Variants in NIT2 observed in about 807,000 individuals in gnomAD.
NIT2 encodes nitrilase family member 2.
A neutral mutation model predicts 42.7 loss-of-function variants in NIT2; 46 were observed. The ratio of observed to expected loss-of-function variants is 1.08; its 90% CI spans 0.85 to 1.38. NIT2 has a LOEUF of 1.38. Among genes scored for constraint, NIT2 ranks in the 40% most tolerant of loss-of-function variants. The pLI is 0.00. For synonymous variants in NIT2, 123 were observed against 121.9 expected, an observed-to-expected ratio of 1.01 and a Z score of -0.06; for missense variants, 309 against 342.5, an observed-to-expected ratio of 0.90 and a Z score of 0.77.
intron 1 of NIT2, among the ~76,000 whole-genome samples, chr3:100,337,940 G>A (rs1417836354): frequency 6.6e-6 from 1 of 152,104 alleles, no homozygotes; most frequent in Non-Finnish European, 1.5e-5. Context: ...GCATGGTGGT[G>A]CATACCTGTG....
intron 6 of NIT2, 85 bp downstream of exon 6, chr3:100,346,340 GCTGGGAGAGGGCT>G (rs1369674199): frequency 8.5e-7 from 1 of 1,177,170 alleles, no homozygotes; most frequent in Non-Finnish European, 1.2e-6. Context: ...GTCAAGAAAA[GCTGGGAGAGGGCT>G]CTTTAATTTC....
chr3:100,340,159 C>G (rs1314556629), intron 3 of NIT2, among the ~76,000 whole-genome samples: 1 of 152,106 alleles, frequency 6.6e-6, no homozygotes, highest in Non-Finnish European at 1.5e-5. Flanking sequence ...CAGCCTCACC[C>G]TACGAGGCTC....
intron 4 of NIT2, among the ~76,000 whole-genome samples, chr3:100,342,642 G>A (rs1261990107): frequency 6.6e-6 from 1 of 151,258 alleles, no homozygotes; most frequent in African/African-American, 2.4e-5. Context: ...TAATGATATA[G>A]GTCCATTTTT....
intron 4 of NIT2, 59 bp from the exon 5 acceptor site, chr3:100,345,526 C>A: frequency 1.7e-6 from 2 of 1,146,024 alleles, no homozygotes; most frequent in Non-Finnish European, 2.6e-6. Flanking sequence ...AAGATATTGT[C>A]ATTACTGCCA....
chr3:100,344,690 G>A (rs1266732224), intron 4 of NIT2, among the ~76,000 whole-genome samples: 1 of 151,908 alleles, frequency 6.6e-6, no homozygotes, highest in Non-Finnish European at 1.5e-5. Context: ...CTGTCGCTTA[G>A]GCTGGAGTGC....
chr3:100,341,194 T>C, intron 4 of NIT2, 33 bp downstream of exon 4: 1 of 1,506,662 alleles, frequency 6.6e-7, no homozygotes, highest in South Asian at 1.1e-5. Flanking sequence ...GAATTTGTTA[T>C]CTCTAAGCCA....
chr3:100,334,854 G>C, intron 1 of NIT2, 56 bp downstream of exon 1: 1 of 1,287,156 alleles, frequency 7.8e-7, no homozygotes, highest in Non-Finnish European at 9.9e-7. Flanking sequence ...GGAGGCTTTG[G>C]AGCGGCGCCG....
At chr3:100,336,000 G>C (rs1706065961) in intron 1 of NIT2, among the ~76,000 whole-genome samples, 1 of 152,184 alleles carries the variant, frequency 6.6e-6, no homozygotes, top group South Asian at 2.1e-4. Flanking sequence ...CAAAATATCT[G>C]TTTGCCCCAG....
intron 6 of NIT2, among the ~76,000 whole-genome samples, chr3:100,347,611 G>A (rs904079316): frequency 2.0e-5 from 3 of 151,278 alleles, no homozygotes; most frequent in Non-Finnish European, 3.0e-5. Flanking sequence ...TAAATTTTTT[G>A]TAGAGATGGG....
At chr3:100,347,913 C>T (rs1162932913) in intron 6 of NIT2, among the ~76,000 whole-genome samples, 3 of 150,974 alleles carry the variant, frequency 2.0e-5, no homozygotes, top group Non-Finnish European at 4.4e-5. Context: ...TTTTTTGAGA[C>T]AGAGTCTCAA....
intron 4 of NIT2, 88 bp downstream of exon 4, chr3:100,341,249 C>G: frequency 1.2e-6 from 1 of 849,590 alleles, no homozygotes. Flanking sequence ...TTCCCTAGTC[C>G]CTCTCATTAT....
At chr3:100,347,490 C>T (rs562363465) in intron 6 of NIT2, among the ~76,000 whole-genome samples, 12 of 152,210 alleles carry the variant, frequency 7.9e-5, no homozygotes, top group East Asian at 1.9e-4. Context: ...AGAGTGCAGG[C>T]GTGATCATGG....
chr3:100,339,406 G>GT (rs1268020050), intron 2 of NIT2, among the ~76,000 whole-genome samples: 1 of 152,130 alleles, frequency 6.6e-6, no homozygotes, highest in African/African-American at 2.4e-5. Context: ...AGGTCTTTAG[G>GT]TTTTGGATCT....
At chr3:100,338,020 A>G (rs1706097885) in intron 1 of NIT2, among the ~76,000 whole-genome samples, 2 of 152,186 alleles carry the variant, frequency 1.3e-5, no homozygotes, top group African/African-American at 4.8e-5. Flanking sequence ...GCAGTGGACC[A>G]TGTTTGTGCC....
Position 100,355,410 on chromosome 3 carries a change from A to T in NIT2, c.*142A>T, listed in dbSNP as rs145788958. 1 of 599,998 alleles carries T rather than the reference A, an allele frequency of 1.7e-6. No homozygotes were observed. Among genetic ancestry groups the T allele is most frequent in the Admixed American group, 3.2e-5 (1 of 30,898 alleles). The allele number at this position is 599,998 out of a possible 1,614,324, so 37.2% of individuals were successfully genotyped here. Reference sequence around the variant, plus strand: ...TTCTCTATTGAGATGAGAAAGCCTCATTATGCTGACATTTTCCACGCCACA... The same window carrying T: ...TTCTCTATTGAGATGAGAAAGCCTCTTTATGCTGACATTTTCCACGCCACA... On this transcript the variant is annotated 3_prime_UTR_variant, in exon 10 of 10. Coordinates refer to ENST00000394140, the MANE Select transcript of NIT2 (RefSeq NM_020202.5).
Position 100,356,646 on chromosome 3 carries a change from C to T in NIT2, c.*1378C>T, listed in dbSNP as rs1218707778. ...TTTTTTAAATTAAGTTTTTAATTTA[C>T]AATTGATGCATAATTTTACTTTAAA... is the stretch of plus-strand genomic sequence containing the variant. On this transcript the variant is annotated 3_prime_UTR_variant, in exon 10 of 10. Transcript: ENST00000394140. 6.6e-6 allele frequency: 1 copy of T among 152,126 alleles called. No individual in the cohort carries two copies. The highest frequency in any genetic ancestry group is 1.5e-5 in the Non-Finnish European group (1 of 68,022). 9.4% of individuals were successfully genotyped at this position (152,126 alleles called of 1,614,324 possible). A position where few individuals can be genotyped will look rare whatever the true frequency, so the allele number is the denominator to read the frequency against.
At chr3:100,350,099 T>C (rs965959871) in intron 7 of NIT2, 1 of 152,214 alleles carries the variant, frequency 6.6e-6, no homozygotes, top group African/African-American at 2.4e-5. Flanking sequence ...TGCCCCTTTC[T>C]AGTTAGTACT....
At chr3:100,343,857 T>A (rs1706182057) in intron 4 of NIT2, among the ~76,000 whole-genome samples, 1 of 152,206 alleles carries the variant, frequency 6.6e-6, no homozygotes, top group African/African-American at 2.4e-5. Flanking sequence ...ATCTACTAAT[T>A]TAAGATTGTA....
At chr3:100,345,381 G>A (rs968548737) in intron 4 of NIT2, among the ~76,000 whole-genome samples, 3 of 152,250 alleles carry the variant, frequency 2.0e-5, no homozygotes, top group African/African-American at 7.2e-5. Flanking sequence ...AAAAGGTACA[G>A]TATCATTTTT....
Sources: gnomAD v4.1 joint callset for allele counts (sites outside exome capture counted in the v4.1 genomes callset) on GRCh38, gnomAD v4.1.1 for gene constraint, MANE v1.5 for transcripts, NCBI Gene and HGNC (gene_info 2026-07-23, HGNC 2026-07-21) for gene names.